The following NAV2 variants were observed in gnomAD, a reference collection of about 807,000 sequenced individuals.
NAV2 encodes the protein neuron navigator 2, also known as helicase, APC down-regulated 1.
In NAV2, 54 loss-of-function variants were observed where a neutral mutation model predicts 223.2. That is an observed-to-expected ratio of 0.24 (90% confidence interval 0.19 to 0.30). The LOEUF (loss-of-function observed/expected upper bound fraction) is 0.30. Among genes scored for constraint, NAV2 ranks in the 10% least tolerant of loss-of-function variants. The probability of loss-of-function intolerance (pLI) is 1.00; values close to 1 mark genes in which losing one functional copy is unlikely to be tolerated. For synonymous variants in NAV2, 1,279 were observed against 1,239.3 expected (o/e 1.03, Z -0.67); for missense variants, 2,806 against 3,147.5 (o/e 0.89, Z 2.60).
chr11:19,405,720 G>C (rs945946715), intron 1 of NAV2, among the ~76,000 whole-genome samples: 5 of 152,194 alleles, frequency 3.3e-5, no homozygotes, highest in Non-Finnish European at 7.3e-5. Flanking sequence ...CCAGGTCTCA[G>C]TCCCATCTGT....
At chr11:19,547,329 C>T (rs1305977009) in intron 1 of NAV2, among the ~76,000 whole-genome samples, 1 of 152,214 alleles carries the variant, frequency 6.6e-6, no homozygotes, top group Non-Finnish European at 1.5e-5. Context: ...CTTACCCACC[C>T]CCAAATGTAA....
chr11:20,010,698 G>A (rs996901961), intron 11 of NAV2, among the ~76,000 whole-genome samples: 11 of 152,236 alleles, frequency 7.2e-5, no homozygotes, highest in Admixed American at 6.5e-4. Flanking sequence ...CGGGTGATCT[G>A]GGCTCAAACC....
In NAV2 at chr11:19,777,501, A is replaced by C. The variant is rs1451347689; in HGVS notation, c.268-54983A>C. ...ATGCTGTGGCGCTGGGAACAGAATA[A>C]CACCACCATGAAGCTGGTAAGGGTG... On this transcript the variant is annotated intron_variant, in intron 1 of 37. Transcript: ENST00000349880. The C allele has an allele frequency of 4.0e-5, 18 of 454,604 alleles. No individual in the cohort carries two copies. In the East Asian group the frequency reaches 9.8e-4, roughly 25 times the overall value. The allele number at this position is 454,604 out of a possible 1,614,324, so 28.2% of individuals were successfully genotyped here.
At chr11:19,501,274 C>G (rs1180116700) in intron 1 of NAV2, among the ~76,000 whole-genome samples, 1 of 152,150 alleles carries the variant, frequency 6.6e-6, no homozygotes, top group Non-Finnish European at 1.5e-5. Flanking sequence ...TTTGCACAGT[C>G]CCTTTTGCGT....
intron 1 of NAV2, among the ~76,000 whole-genome samples, chr11:19,554,447 C>T (rs1175385383): frequency 6.6e-6 from 1 of 152,192 alleles, no homozygotes; most frequent in Admixed American, 6.5e-5. Context: ...CATTGCCCAG[C>T]TCCTCCCCAC....
At chr11:19,992,247 C>CTCTTT (rs1278583530) in intron 11 of NAV2, among the ~76,000 whole-genome samples, 1 of 152,234 alleles carries the variant, frequency 6.6e-6, no homozygotes, top group African/African-American at 2.4e-5. Flanking sequence ...GCCCAAGAGG[C>CTCTTT]TCTTTTATGC....
intron 1 of NAV2, among the ~76,000 whole-genome samples, chr11:19,822,400 T>G (rs1365731061): frequency 6.6e-6 from 1 of 152,218 alleles, no homozygotes; most frequent in African/African-American, 2.4e-5. Context: ...CATTGCCCCC[T>G]GCACAGGTAG....
intron 12 of NAV2, among the ~76,000 whole-genome samples, chr11:20,042,938 A>T (rs1379567712): frequency 6.6e-6 from 1 of 152,010 alleles, no homozygotes; most frequent in Non-Finnish European, 1.5e-5. Context: ...TTAACGTCAC[A>T]CTTCGGTCCC....
intron 1 of NAV2, among the ~76,000 whole-genome samples, chr11:19,540,885 C>T (rs966776000): frequency 6.6e-6 from 1 of 152,000 alleles, no homozygotes; most frequent in Non-Finnish European, 1.5e-5. Flanking sequence ...GAGCAAAACC[C>T]TGTTTCTTAA....
At chr11:19,845,752 C>A (rs1444125741) in intron 3 of NAV2, among the ~76,000 whole-genome samples, 1 of 152,186 alleles carries the variant, frequency 6.6e-6, no homozygotes, top group African/African-American at 2.4e-5. Context: ...GCTGTCTTCC[C>A]AGAGGATAGG....
intron 20 of NAV2, among the ~76,000 whole-genome samples, chr11:20,063,927 C>G (rs1269919287): frequency 6.6e-6 from 1 of 152,166 alleles, no homozygotes; most frequent in Non-Finnish European, 1.5e-5. Flanking sequence ...CTGTATTGAG[C>G]AAACAAACTT....
intron 3 of NAV2, among the ~76,000 whole-genome samples, chr11:19,866,567 G>A (rs1450165300): frequency 6.6e-6 from 1 of 152,174 alleles, no homozygotes. Flanking sequence ...CTTGCAAACA[G>A]ACACTATCAT....
intron 1 of NAV2, among the ~76,000 whole-genome samples, chr11:19,479,858 A>T (rs1218337620): frequency 2.0e-5 from 3 of 152,168 alleles, no homozygotes; most frequent in Non-Finnish European, 4.4e-5. Context: ...GTGCGCACAC[A>T]CACTTCTCAG....
At chr11:19,764,186 T>C (rs797000999) in intron 1 of NAV2, among the ~76,000 whole-genome samples, 8 of 152,330 alleles carry the variant, frequency 5.3e-5, no homozygotes, top group African/African-American at 1.7e-4. Flanking sequence ...GGAATCAAAG[T>C]GGCCAGCCAC....
intron 11 of NAV2, among the ~76,000 whole-genome samples, chr11:20,006,779 G>C (rs1269651766): frequency 6.6e-6 from 1 of 152,126 alleles, no homozygotes; most frequent in Non-Finnish European, 1.5e-5. Context: ...TTGAGCCTGG[G>C]AGATTGAGGC....
At position 20,103,371 on chromosome 11, in the gene NAV2, G is replaced by A. The variant is rs1049642557; in HGVS notation, c.6534G>A (p.Glu2178=). ...DNLHHVSSLG[E]IFNGLLNCKY... Reference sequence around the variant, plus strand: ...TACACCACGTGAGCTCTCTGGGAGAGATCTTCAATGGGCTGCTCAACTGCA... The same window carrying A: ...TACACCACGTGAGCTCTCTGGGAGAAATCTTCAATGGGCTGCTCAACTGCA... The change falls in exon 33 of 38, where the codon GAG becomes GAA. Residue 2178 remains glutamate, a synonymous_variant. Coordinates refer to ENST00000349880, the MANE Select transcript of NAV2 (RefSeq NM_145117.5). 1.9e-6 allele frequency: 3 copies of A among 1,614,032 alleles called. No individual in the cohort carries two copies. Among genetic ancestry groups the A allele is most frequent in the Non-Finnish European group, 2.5e-6 (3 of 1,179,994 alleles).
At chr11:19,379,578 G>A (rs1042945609) in intron 1 of NAV2, among the ~76,000 whole-genome samples, 7 of 152,144 alleles carry the variant, frequency 4.6e-5, no homozygotes, top group African/African-American at 1.7e-4. Flanking sequence ...GAAAGTGACA[G>A]CCTCCTTAGA....
At chr11:19,383,444 A>G (rs1038826226) in intron 1 of NAV2, among the ~76,000 whole-genome samples, 2 of 152,186 alleles carry the variant, frequency 1.3e-5, no homozygotes, top group Non-Finnish European at 2.9e-5. Flanking sequence ...GGTTAAGTCA[A>G]TAAGTTATTT....
At chr11:19,842,994 C>A in intron 3 of NAV2, 71 bp downstream of exon 3, 1 of 1,293,274 alleles carries the variant, frequency 7.7e-7, no homozygotes, top group Non-Finnish European at 1.1e-6. Flanking sequence ...TATTGACCAT[C>A]TTGAAAACAT....
Sources: allele counts gnomAD v4.1 joint callset (sites outside exome capture counted in the v4.1 genomes callset), GRCh38; gene constraint gnomAD v4.1.1; transcripts MANE v1.5; gene names NCBI Gene and HGNC (gene_info 2026-07-23, HGNC 2026-07-21).